CCZ1B: variants seen among roughly 807,000 people sequenced by gnomAD.
CCZ1B encodes vacuolar fusion protein CCZ1 homolog B.
CCZ1B carries 25 observed loss-of-function variants against 58.8 expected under a neutral mutation model. The observed-to-expected ratio is 0.43, with a 90% CI of 0.31 to 0.59. The LOEUF (loss-of-function observed/expected upper bound fraction) is 0.59, where lower values mean the gene tolerates loss of function less well. Ranked by LOEUF, CCZ1B falls within the 20% of genes least tolerant of loss-of-function variation. CCZ1B has a pLI of 0.12. For synonymous variants in CCZ1B, 66 were observed against 173.2 expected (o/e 0.38, Z 4.86); for missense variants, 180 against 501.5 (o/e 0.36, Z 6.12).
rs1562431518 is a variant in CCZ1B at position 6,818,711 on chromosome 7, A to AAAGAAAGAAAGAAAGAAAG, written c.698+1054_698+1055insCTTTCTTTCTTTCTTTCTT. 2.2e-4 allele frequency among the ~76,000 whole-genome samples: 23 copies of AAAGAAAGAAAGAAAGAAAG among 103,414 alleles called. 1 individual carries two copies. Among genetic ancestry groups the AAAGAAAGAAAGAAAGAAAG allele is most frequent in the African/African-American group, 8.2e-4 (23 of 28,026 alleles). 67.8% of individuals were successfully genotyped at this position (103,414 alleles called of 152,430 possible). ...AAAGAAAGACAAGAAAGAAAGAAAG[A>AAAGAAAGAAAGAAAGAAAG]CAAGAAAGAAAGAAAGAAAGAAAGA... On this transcript the variant is annotated intron_variant, in intron 7 of 14. Coordinates refer to ENST00000316731, the MANE Select transcript of CCZ1B (RefSeq NM_198097.5).
intron 6 of CCZ1B, among the ~76,000 whole-genome samples, chr7:6,820,446 G>C (rs1783090245): frequency 6.7e-6 from 1 of 148,982 alleles, no homozygotes; most frequent in Admixed American, 6.7e-5. Context: ...CAAAGTGCTG[G>C]GATTAGAGGT....
chr7:6,804,204 C>T (rs1343587791), intron 12 of CCZ1B, among the ~76,000 whole-genome samples: 1 of 140,848 alleles, frequency 7.1e-6, no homozygotes, highest in Non-Finnish European at 1.5e-5. Context: ...GCAGGTGGAT[C>T]ACTTGAGGTC....
chr7:6,818,871 T>C (rs1455491388), intron 7 of CCZ1B, among the ~76,000 whole-genome samples: 1 of 148,802 alleles, frequency 6.7e-6, no homozygotes, highest in African/African-American at 2.5e-5. Context: ...GGGTCATATA[T>C]GCTGGGCAGT....
intron 1 of CCZ1B, among the ~76,000 whole-genome samples, chr7:6,825,036 A>C (rs529579942): frequency 1.3e-5 from 2 of 150,428 alleles, no homozygotes; most frequent in East Asian, 3.9e-4. Flanking sequence ...CCCACCAGTC[A>C]GAAAGGCAAT....
Position 6,824,624 on chromosome 7 carries a change from C to T in CCZ1B, c.218+16G>A, listed in dbSNP as rs1783166212. 2.5e-6 allele frequency: 4 copies of T among 1,612,358 alleles called. No individual in the cohort carries two copies. The highest frequency in any genetic ancestry group is 2.5e-6 in the Non-Finnish European group (3 of 1,179,702). On this transcript the variant is annotated intron_variant, in intron 2 of 14. Transcript: ENST00000316731. ...AAGAATTCACTGAACGCTAAAGGCA[C>T]ACTTAGAGGTATTACCTTGTAAACT... is the stretch of plus-strand genomic sequence containing the variant.
At chr7:6,814,600 A>G in intron 8 of CCZ1B, 164 bp downstream of exon 8, 1 of 508,288 alleles carries the variant, frequency 2.0e-6, no homozygotes, top group East Asian at 3.0e-5. Context: ...GGAGAGCTGC[A>G]TGTGGTTTTC....
intron 6 of CCZ1B, among the ~76,000 whole-genome samples, chr7:6,821,432 G>A (rs1349217294): frequency 8.5e-5 from 13 of 152,300 alleles, no homozygotes; most frequent in Admixed American, 5.9e-4. Flanking sequence ...GATAATATGC[G>A]AGTGGATAAT....
intron 7 of CCZ1B, among the ~76,000 whole-genome samples, chr7:6,817,908 G>A (rs1181518620): frequency 1.3e-5 from 2 of 148,966 alleles, no homozygotes; most frequent in East Asian, 1.9e-4. Flanking sequence ...GGAGGCTGAG[G>A]CAGGAGAATT....
chr7:6,810,356 GGCAAAGAACTCTAT>G (rs201576646), intron 10 of CCZ1B, among the ~76,000 whole-genome samples: 3,362 of 149,218 alleles, frequency 0.023, 427 homozygotes, highest in African/African-American at 0.081. Context: ...AGCTTGGCAT[GGCAAAGAACTCTAT>G]GCTCAAATTC....
rs1236100253 is a variant in CCZ1B at position 6,818,643 on chromosome 7, A to C, written c.698+1123T>G. 3.4e-3 allele frequency among the ~76,000 whole-genome samples: 484 copies of C among 141,996 alleles called. 19 individuals are homozygous for C. The highest frequency in any genetic ancestry group is 0.012 in the African/African-American group (454 of 36,532). The allele number at this position is 141,996 out of a possible 152,430, so 93.2% of individuals were successfully genotyped here. A position where few individuals can be genotyped will look rare whatever the true frequency, so the allele number is the denominator to read the frequency against. The stretch of plus-strand genomic sequence containing the variant: ...AAGAAAGAAAGAAAGACAAGAAAGA[A>C]AGAAAGACAGAAAGAAAGACAGACA... On this transcript the variant is annotated intron_variant, in intron 7 of 14. Coordinates refer to ENST00000316731, the MANE Select transcript of CCZ1B (RefSeq NM_198097.5).
At chr7:6,818,431 C>T (rs913282936) in intron 7 of CCZ1B, among the ~76,000 whole-genome samples, 2 of 149,232 alleles carry the variant, frequency 1.3e-5, no homozygotes, top group Non-Finnish European at 3.0e-5. Context: ...TGCCTGTAAT[C>T]CCAGCTACCT....
intron 6 of CCZ1B, among the ~76,000 whole-genome samples, chr7:6,821,349 T>C (rs1016126505): frequency 6.6e-6 from 1 of 151,708 alleles, no homozygotes; most frequent in African/African-American, 2.4e-5. Context: ...CTAAATGATA[T>C]GTACTCAGGA....
At chr7:6,804,484 G>A (rs1407958140) in intron 12 of CCZ1B, among the ~76,000 whole-genome samples, 8 of 116,902 alleles carry the variant, frequency 6.8e-5, no homozygotes, top group Non-Finnish European at 1.2e-4. Context: ...AGCCGGAGGA[G>A]TGAATCCCGC....
rs1187357293 is a variant in CCZ1B, at chr7:6,818,621, A to AC, written c.698+1144_698+1145insG. Among the ~76,000 whole-genome samples the AC allele has an allele frequency of 1.6e-3, 139 of 86,772 alleles. No homozygotes were observed. In the Middle Eastern group the frequency reaches 0.02, roughly 12 times the overall value. 56.9% of individuals were successfully genotyped at this position (86,772 alleles called of 152,430 possible). ...AAAGAAAGAAAGAAAGAAAGACAAG[A>AC]AAGAAAGAAAGACAAGAAAGAAAGA... On this transcript the variant is annotated intron_variant, in intron 7 of 14. Transcript: ENST00000316731.
rs1304512167 is a variant in CCZ1B, at chr7:6,818,405, C to T, written c.698+1361G>A. Among the ~76,000 whole-genome samples the T allele has an allele frequency of 4.7e-5, 7 of 148,836 alleles. 1 individual carries two copies. The highest frequency in any genetic ancestry group is 8.9e-5 in the Non-Finnish European group (6 of 67,498). ...CTGTACTGAAAATACAAAAATTAGCCGGGCATGGTGGCATATGCCTGTAAT... is the reference window on the plus strand; with the variant it reads ...CTGTACTGAAAATACAAAAATTAGCTGGGCATGGTGGCATATGCCTGTAAT... On this transcript the variant is annotated intron_variant, in intron 7 of 14. Transcript: ENST00000316731.
intron 6 of CCZ1B, among the ~76,000 whole-genome samples, 161 bp from the exon 7 acceptor site, chr7:6,820,102 G>A (rs1046202799): frequency 6.8e-6 from 1 of 147,930 alleles, no homozygotes; most frequent in African/African-American, 2.6e-5. Context: ...GGGTGACTGA[G>A]TGTCAACTCA....
At chr7:6,818,961 T>C (rs1248386967) in intron 7 of CCZ1B, among the ~76,000 whole-genome samples, 2 of 147,586 alleles carry the variant, frequency 1.4e-5, no homozygotes, top group African/African-American at 5.2e-5. Context: ...ATATAACACT[T>C]TGGATTTCTT....
chr7:6,819,840 G>C lies in CCZ1B; in HGVS notation c.624C>G (p.Ser208=). 1.9e-6 allele frequency: 3 copies of C among 1,569,326 alleles called. No homozygotes were observed. The highest frequency in any genetic ancestry group is 2.6e-6 in the Non-Finnish European group (3 of 1,146,710). ...LDKMTYLKIQ[S]FINRMEESLN... ...GGCTTTCCTCCATTCTATTAATAAA[G>C]GACTGGATTTTCAAATAAGTCATTT... The change falls in exon 7 of 15, where the codon TCC becomes TCG. Residue 208 remains serine, a synonymous_variant. Transcript: ENST00000316731.
At chr7:6,804,286 GGTGGT>G (rs1782804703) in intron 12 of CCZ1B, among the ~76,000 whole-genome samples, 1 of 123,228 alleles carries the variant, frequency 8.1e-6, no homozygotes, top group Non-Finnish European at 1.7e-5. Flanking sequence ...AGCCGGGCAT[GGTGGT>G]GCACGCCTGT....
Sources: gnomAD v4.1 joint callset for allele counts (sites outside exome capture counted in the v4.1 genomes callset) on GRCh38, gnomAD v4.1.1 for gene constraint, MANE v1.5 for transcripts, NCBI Gene and HGNC (gene_info 2026-07-23, HGNC 2026-07-21) for gene names.